Variants in DNAH8 observed in about 807,000 individuals in gnomAD.
The protein encoded by DNAH8 is axonemal beta dynein heavy chain 8.
In DNAH8, 382 loss-of-function variants were observed where a neutral mutation model predicts 562.1. The ratio of observed to expected loss-of-function variants is 0.68; its 90% CI spans 0.63 to 0.74. DNAH8 has a LOEUF of 0.74. DNAH8 is among the 30% of genes least tolerant of loss of function. The probability of loss-of-function intolerance (pLI) is 0.00; values close to 1 mark genes in which losing one functional copy is unlikely to be tolerated. For missense variants in DNAH8, 5,203 were observed against 5,620.4 expected (o/e 0.93, Z 2.37); for synonymous variants, 1,881 against 1,919.4 (o/e 0.98, Z 0.52).
intron 5 of DNAH8, among the ~76,000 whole-genome samples, chr6:38,735,997 G>C (rs1764056718): frequency 1.3e-5 from 2 of 152,066 alleles, no homozygotes; most frequent in African/African-American, 4.8e-5. Flanking sequence ...AATCAGCTGG[G>C]TGTGGTTGTG....
intron 3 of DNAH8, among the ~76,000 whole-genome samples, chr6:38,726,851 GTTTTTT>G (rs58557655): frequency 1.6e-5 from 1 of 63,276 alleles, no homozygotes; most frequent in South Asian, 4.9e-4. Context: ...GTATTCTTTA[GTTTTTT>G]TTTTTTTTTT....
At chr6:38,771,836 T>C (rs1767604753) in intron 12 of DNAH8, among the ~76,000 whole-genome samples, 2 of 152,198 alleles carry the variant, frequency 1.3e-5, no homozygotes, top group African/African-American at 4.8e-5. Flanking sequence ...TTATGAATAA[T>C]GTTGCTATGA....
At chr6:38,793,452 C>T (rs945928550) in intron 21 of DNAH8, among the ~76,000 whole-genome samples, 2 of 152,042 alleles carry the variant, frequency 1.3e-5, no homozygotes, top group Admixed American at 1.3e-4. Context: ...TGTAATTATA[C>T]CAGCTTTTTT....
chr6:38,943,367 A>G (rs1783607120), intron 79 of DNAH8, among the ~76,000 whole-genome samples: 1 of 152,246 alleles, frequency 6.6e-6, no homozygotes, highest in African/African-American at 2.4e-5. Flanking sequence ...AAGTTAACAA[A>G]TATGATCCTT....
chr6:38,867,990 C>T (rs1298105465), intron 47 of DNAH8, 72 bp from the exon 48 acceptor site: 5 of 1,486,834 alleles, frequency 3.4e-6, no homozygotes, highest in African/African-American at 2.8e-5. Flanking sequence ...GACCTATATG[C>T]ATAGAGTGAG....
chr6:38,864,724 G>A (rs974149475), intron 45 of DNAH8, among the ~76,000 whole-genome samples: 43 of 152,148 alleles, frequency 2.8e-4, no homozygotes, highest in Non-Finnish European at 5.6e-4. Flanking sequence ...ATCCTATCGT[G>A]TAACTAGAAA....
At chr6:38,739,073 G>GTATCATTTACCCA (rs1274099117) in intron 7 of DNAH8, among the ~76,000 whole-genome samples, 3 of 151,622 alleles carry the variant, frequency 2.0e-5, no homozygotes, top group African/African-American at 7.3e-5. Context: ...TCATTTACCT[G>GTATCATTTACCCA]TATCATTTAC....
At chr6:38,753,226 T>A (rs754459678) in intron 9 of DNAH8, among the ~76,000 whole-genome samples, 1 of 152,248 alleles carries the variant, frequency 6.6e-6, no homozygotes, top group Non-Finnish European at 1.5e-5. Context: ...TAGGTATTTC[T>A]GTGCACGTGA....
intron 92 of DNAH8, among the ~76,000 whole-genome samples, chr6:39,029,559 G>A (rs1561992766): frequency 6.6e-6 from 1 of 152,204 alleles, no homozygotes; most frequent in African/African-American, 2.4e-5. Flanking sequence ...ACTGGGGAGG[G>A]TGGCCAGATG....
intron 87 of DNAH8, among the ~76,000 whole-genome samples, chr6:38,987,232 G>A (rs959546289): frequency 6.6e-6 from 1 of 152,178 alleles, no homozygotes; most frequent in Non-Finnish European, 1.5e-5. Flanking sequence ...AAGAAGTGTC[G>A]CTGTCTCAGC....
intron 69 of DNAH8, among the ~76,000 whole-genome samples, 153 bp from the exon 70 acceptor site, chr6:38,917,772 A>C (rs1367612976): frequency 6.6e-6 from 1 of 152,236 alleles, no homozygotes; most frequent in African/African-American, 2.4e-5. Context: ...TGTGATTTAC[A>C]GATTTAGGTT....
intron 17 of DNAH8, among the ~76,000 whole-genome samples, chr6:38,785,057 G>C (rs1312573932): frequency 6.6e-6 from 1 of 152,194 alleles, no homozygotes; most frequent in South Asian, 2.1e-4. Flanking sequence ...GTGGATTGAT[G>C]TCCAGGAGAA....
At chr6:38,779,870 T>C in intron 14 of DNAH8, 96 bp from the exon 15 acceptor site, 1 of 1,193,052 alleles carries the variant, frequency 8.4e-7, no homozygotes, top group Non-Finnish European at 1.2e-6. Flanking sequence ...CTGGTATGAA[T>C]ATTTGTCAAA....
chr6:38,761,153 A>G (rs2127607791), intron 10 of DNAH8, among the ~76,000 whole-genome samples: 1 of 150,006 alleles, frequency 6.7e-6, no homozygotes, highest in Non-Finnish European at 1.5e-5. Context: ...GTACATGTGC[A>G]CAATGTGCAG....
intron 82 of DNAH8, among the ~76,000 whole-genome samples, chr6:38,970,897 C>T (rs1016717557): frequency 2.0e-5 from 3 of 152,134 alleles, no homozygotes; most frequent in Admixed American, 6.5e-5. Context: ...TGGTTCTCTG[C>T]CTGGGACATC....
chr6:38,961,879 G>A (rs1762626120), intron 82 of DNAH8, among the ~76,000 whole-genome samples: 1 of 151,896 alleles, frequency 6.6e-6, no homozygotes, highest in African/African-American at 2.4e-5. Flanking sequence ...TACCGGAAAG[G>A]AGGGACAAAA....
intron 65 of DNAH8, among the ~76,000 whole-genome samples, chr6:38,910,834 A>T (rs554698642): frequency 6.6e-6 from 1 of 152,346 alleles, no homozygotes; most frequent in South Asian, 2.1e-4. Flanking sequence ...TTAATATAAA[A>T]GGTTAAATAA....
intron 85 of DNAH8, among the ~76,000 whole-genome samples, chr6:38,975,631 A>T (rs961844475): frequency 6.6e-6 from 1 of 152,212 alleles, no homozygotes; most frequent in Non-Finnish European, 1.5e-5. Flanking sequence ...AGTTAAAATC[A>T]GATTAAATGC....
chr6:38,883,964 T>C lies in DNAH8; in HGVS notation c.8225T>C (p.Ile2742Thr), dbSNP rs879429285. ...AAAATGACTGTATTTATTGATGATA[T>C]TAATATGCCTGTGATTAATGAGTGG... ...GRKMTVFIDD[I>T]NMPVINEWGD... Residue 2742 changes from isoleucine to threonine, a missense_variant, in exon 56 of 93, where the codon ATT becomes ACT. Physicochemically the swap from Ile to Thr is moderately conservative, Grantham distance 89. Around this residue, in one of 6 missense-constraint regions of DNAH8, gnomAD observed 977 missense variants for 1,061.8 expected, o/e 0.92. Transcript: ENST00000327475. 6.3e-7 allele frequency: 1 copy of C among 1,581,234 alleles called. No homozygotes were observed. Among genetic ancestry groups the C allele is most frequent in the Non-Finnish European group, 8.6e-7 (1 of 1,162,022 alleles).
Sources: allele counts gnomAD v4.1 joint callset (sites outside exome capture counted in the v4.1 genomes callset), GRCh38; gene constraint gnomAD v4.1.1; regional missense constraint gnomAD v4.1.1; transcripts MANE v1.5; gene names NCBI Gene and HGNC (gene_info 2026-07-23, HGNC 2026-07-21).